DUOX1: variants seen among roughly 807,000 people sequenced by gnomAD.
DUOX1 encodes NADPH thyroid oxidase 1.
In DUOX1, 134 loss-of-function variants were observed where a neutral mutation model predicts 181.8. That is an observed-to-expected ratio of 0.74 (90% confidence interval 0.64 to 0.85). The LOEUF is 0.85. Among genes scored for constraint, DUOX1 ranks in the 40% least tolerant of loss-of-function variants. The probability of loss-of-function intolerance (pLI) is 0.00; values close to 1 mark genes in which losing one functional copy is unlikely to be tolerated. For missense variants in DUOX1, 1,814 were observed against 2,064.4 expected, an observed-to-expected ratio of 0.88 and a Z score of 2.35; for synonymous variants, 798 against 832.5, an observed-to-expected ratio of 0.96 and a Z score of 0.71.
In DUOX1 at chr15:45,152,030, G is replaced by C; in HGVS notation, c.3171G>C (p.Gly1057=). The C allele has an allele frequency of 6.2e-7, 1 of 1,614,054 alleles. No individual in the cohort carries two copies. The highest frequency in any genetic ancestry group is 8.5e-7 in the Non-Finnish European group (1 of 1,179,982). The stretch of plus-strand genomic sequence containing the variant: ...CCGTGTTCTACGCCATCGCTGGGGG[G>C]CTTTTCCTGGAGAGGGCCTACTGTG... ...CVAVFYAIAG[G]LFLERAYYYA... is the part of the protein sequence containing the mutation. Residue 1057 remains glycine, a synonymous_variant, in exon 24 of 34, where the codon GGG becomes GGC. Coordinates refer to ENST00000389037, the MANE Select transcript of DUOX1 (RefSeq NM_175940.3).
Position 45,140,122 on chromosome 15 carries a change from C to A in DUOX1, c.1389+523C>A, listed in dbSNP as rs573603562. On this transcript the variant is annotated intron_variant, in intron 12 of 33. Coordinates refer to ENST00000389037, the MANE Select transcript of DUOX1 (RefSeq NM_175940.3). Reference sequence around the variant, plus strand: ...CACAAATTGGTCAAGGATGATGGTGCTGAACAGGGGTCCTGTTCAGCTGCT... The same window carrying A: ...CACAAATTGGTCAAGGATGATGGTGATGAACAGGGGTCCTGTTCAGCTGCT... 17 of 1,167,010 alleles carry A rather than the reference C, an allele frequency of 1.5e-5. No individual in the cohort carries two copies. In the East Asian group the frequency reaches 7.5e-4, roughly 51 times the overall value. The allele number at this position is 1,167,010 out of a possible 1,614,324, so 72.3% of individuals were successfully genotyped here.
chr15:45,147,561 C>T lies in DUOX1; in HGVS notation c.2451C>T (p.Asp817=), dbSNP rs1251530808. ...AGTCCCTGGGCCTCAAGCCCCAGGACATGTTTGTGGAGTCCATGTTCTCTC... is the reference window on the plus strand; with the variant it reads ...AGTCCCTGGGCCTCAAGCCCCAGGATATGTTTGTGGAGTCCATGTTCTCTC... ...FAESLGLKPQ[D]MFVESMFSLA... The change falls in exon 19 of 34, where the codon GAC becomes GAT. Residue 817 remains aspartate, a synonymous_variant. Transcript: ENST00000389037. 1 of 1,614,132 alleles carries T rather than the reference C, an allele frequency of 6.2e-7. No individual in the cohort carries two copies. The highest frequency in any genetic ancestry group is 1.3e-5 in the African/African-American group (1 of 75,060).
chr15:45,156,854 C>T (rs74011376), intron 28 of DUOX1, among the ~76,000 whole-genome samples: 16,725 of 152,170 alleles, frequency 0.11, 1,028 homozygotes, highest in South Asian at 0.24. Flanking sequence ...GGTTTCTCAT[C>T]GGCTGCCTAG....
rs375298947 is a variant in DUOX1 at position 45,141,958 on chromosome 15, T to G, written c.1685-17T>G. The G allele has an allele frequency of 6.2e-7, 1 of 1,603,284 alleles. No individual in the cohort carries two copies. The highest frequency in any genetic ancestry group is 1.1e-5 in the South Asian group (1 of 89,762). Reference sequence around the variant, plus strand: ...GTGGCCCAGCACCCAGGACGCTGGCTTCCTCTGCCTTCCCAGGAGACCCCT... The same window carrying G: ...GTGGCCCAGCACCCAGGACGCTGGCGTCCTCTGCCTTCCCAGGAGACCCCT... On this transcript the variant is annotated splice_polypyrimidine_tract_variant and intron_variant, in intron 14 of 33. Transcript: ENST00000389037.
intron 27 of DUOX1, among the ~76,000 whole-genome samples, chr15:45,154,435 A>G (rs1269231535): frequency 6.6e-6 from 1 of 152,056 alleles, no homozygotes. Flanking sequence ...CCTTGAAAGG[A>G]GCGTTTGGGG....
At chr15:45,136,248 G>T (rs2576083) in intron 7 of DUOX1, 102 bp from the exon 8 acceptor site, 24,856 of 1,561,442 alleles carry the variant, frequency 0.016, 272 homozygotes, top group Non-Finnish European at 0.019. Flanking sequence ...GACTGACCCT[G>T]GCTGGTCCTC....
Position 45,151,889 on chromosome 15 carries a change from GC to G in DUOX1, c.3033del (p.Leu1012CysfsTer139). The G allele has an allele frequency of 6.2e-7, 1 of 1,613,354 alleles. No homozygotes were observed. The highest frequency in any genetic ancestry group is 1.1e-5 in the South Asian group (1 of 91,068). ...RFGKKVTSFQ[P>X]LLFTEAHREK... is the part of the protein sequence containing the mutation. Reference sequence around the variant, plus strand: ...TGTCTCCCAGGGTAACGTCATTCCAGCCCTTGCTGTTCACTGAGGCGCACCG... The same window carrying G: ...TGTCTCCCAGGGTAACGTCATTCCAGCCTTGCTGTTCACTGAGGCGCACCG... On this transcript the variant is annotated frameshift_variant, in exon 24 of 34. Transcript: ENST00000389037. LOFTEE classifies it high-confidence loss of function.
intron 11 of DUOX1, 89 bp downstream of exon 11, chr15:45,139,257 G>A (rs1044063031): frequency 1.9e-6 from 3 of 1,606,838 alleles, no homozygotes; most frequent in Non-Finnish European, 1.7e-6. Context: ...ATGAGGGGGT[G>A]CCTGGGGCTG....
chr15:45,150,453 T>TGGGTCCAGCTCCCATTG, intron 21 of DUOX1, 179 bp from the exon 22 acceptor site: 2 of 600,358 alleles, frequency 3.3e-6, no homozygotes, highest in Non-Finnish European at 5.9e-6. Flanking sequence ...CACCTATGGC[T>TGGGTCCAGCTCCCATTG]GGGTCCAGCT....
chr15:45,134,896 AACG>A (rs1426754290), intron 4 of DUOX1, among the ~76,000 whole-genome samples: 3 of 152,214 alleles, frequency 2.0e-5, no homozygotes, highest in Non-Finnish European at 2.9e-5. Context: ...CCAAACTGTC[AACG>A]ACAACAGCTT....
chr15:45,149,798 C>G (rs1002091560), intron 21 of DUOX1, among the ~76,000 whole-genome samples: 1 of 152,196 alleles, frequency 6.6e-6, no homozygotes, highest in Non-Finnish European at 1.5e-5. Flanking sequence ...CTGTAGTGAG[C>G]CAAGATTGTG....
At chr15:45,162,104 A>G in intron 30 of DUOX1, 115 bp from the exon 31 acceptor site, 3 of 1,492,264 alleles carry the variant, frequency 2.0e-6, no homozygotes, top group Non-Finnish European at 2.7e-6. Context: ...TAATGCCACA[A>G]ATCCTCCTCT....
chr15:45,137,657 T>C (rs1695775503), intron 9 of DUOX1, among the ~76,000 whole-genome samples: 1 of 152,112 alleles, frequency 6.6e-6, no homozygotes, highest in Non-Finnish European at 1.5e-5. Flanking sequence ...ATTTTATATG[T>C]GTGTGTATAT....
At position 45,143,246 on chromosome 15, in the gene DUOX1, C is replaced by T; in HGVS notation, c.1879C>T (p.Leu627Phe). The T allele has an allele frequency of 6.2e-7, 1 of 1,614,142 alleles. No homozygotes were observed. Among genetic ancestry groups the T allele is most frequent in the Non-Finnish European group, 8.5e-7 (1 of 1,180,022 alleles). Residue 627 changes from leucine (L) to phenylalanine (F), a missense_variant, in exon 16 of 34, where the codon CTC becomes TTC. This residue lies in a region of DUOX1 where 1,064 missense variants were observed against 1,152.9 expected (regional missense o/e 0.92). Coordinates refer to ENST00000389037, the MANE Select transcript of DUOX1 (RefSeq NM_175940.3). ...ARLRMRNFKR[L>F]QGQDRQSIVS... is the part of the protein sequence containing the mutation. ...GCTCCGGATGAGAAATTTCAAGAGG[C>T]TCCAGGGCCAGGACCGCCAGAGCAT...
At chr15:45,152,741 C>T in intron 25 of DUOX1, 1 of 599,230 alleles carries the variant, frequency 1.7e-6, no homozygotes, top group East Asian at 2.8e-5. Flanking sequence ...CCTCAGCTGA[C>T]AAGTTACTAA....
chr15:45,164,057 G>A, intron 33 of DUOX1, 139 bp downstream of exon 33: 1 of 1,335,280 alleles, frequency 7.5e-7, no homozygotes, highest in Non-Finnish European at 1.0e-6. Flanking sequence ...GTAATGGAAT[G>A]GAAAGGATAG....
At chr15:45,150,784 C>G (rs900258508) in intron 22 of DUOX1, 83 bp downstream of exon 22, 6 of 1,325,400 alleles carry the variant, frequency 4.5e-6, no homozygotes, top group Non-Finnish European at 6.5e-6. Flanking sequence ...TCAGGGCCAC[C>G]GCTAGCCCAT....
intron 12 of DUOX1, chr15:45,140,645 C>T (rs780541720): frequency 1.8e-4 from 72 of 400,276 alleles, no homozygotes; most frequent in Non-Finnish European, 2.9e-4. Flanking sequence ...GTTATGAATG[C>T]GGATTGGCTG....
chr15:45,153,487 A>C lies in DUOX1; in HGVS notation c.3524+8A>C, dbSNP rs764680224. ...CCTCTTCCATGATGATGGGTGAGTA[A>C]GTGCGAATGTGTGTGTGTGTGTGTG... On this transcript the variant is annotated splice_region_variant and intron_variant, in intron 26 of 33. Transcript: ENST00000389037. 4.5e-6 allele frequency: 7 copies of C among 1,539,714 alleles called. No homozygotes were observed. The highest frequency in any genetic ancestry group is 6.3e-6 in the Non-Finnish European group (7 of 1,119,014).
Sources: allele counts gnomAD v4.1 joint callset (sites outside exome capture counted in the v4.1 genomes callset), GRCh38; gene constraint gnomAD v4.1.1; regional missense constraint gnomAD v4.1.1; transcripts MANE v1.5; gene names NCBI Gene and HGNC (gene_info 2026-07-23, HGNC 2026-07-21).